Variants in CHD7 observed in about 807,000 individuals in gnomAD.
CHD7 encodes ATP-dependent chromatin remodeler CHD7.
In CHD7, 24 loss-of-function variants were observed where a neutral mutation model predicts 307.3. The observed-to-expected ratio is 0.08, with a 90% CI of 0.06 to 0.11. The LOEUF (loss-of-function observed/expected upper bound fraction) is 0.11. Ranked by LOEUF, CHD7 falls within the 10% of genes least tolerant of loss-of-function variation. CHD7 has a pLI of 1.00. For synonymous variants in CHD7, 1,363 were observed against 1,349.9 expected (o/e 1.01, Z -0.21); for missense variants, 3,106 against 3,727.1 (o/e 0.83, Z 4.34).
At chr8:60,830,605 T>A (rs902291145) in intron 15 of CHD7, 28 bp downstream of exon 15, 1 of 1,604,902 alleles carries the variant, frequency 6.2e-7, no homozygotes, top group African/African-American at 1.3e-5. Flanking sequence ...GCGAACTTGC[T>A]TAAGTGACGA....
chr8:60,820,489 T>G (rs1052442046), intron 9 of CHD7, among the ~76,000 whole-genome samples: 1 of 152,214 alleles, frequency 6.6e-6, no homozygotes, highest in Non-Finnish European at 1.5e-5. Context: ...TTAGTGAAGT[T>G]GATGAATTCA....
chr8:60,770,361 A>G (rs1026774900), intron 2 of CHD7, among the ~76,000 whole-genome samples: 2 of 151,716 alleles, frequency 1.3e-5, no homozygotes, highest in Non-Finnish European at 2.9e-5. Context: ...ATTCAATTAT[A>G]ATAATTTTCT....
chr8:60,775,903 G>A (rs1810928204), intron 2 of CHD7, among the ~76,000 whole-genome samples: 1 of 151,714 alleles, frequency 6.6e-6, no homozygotes, highest in South Asian at 2.1e-4. Context: ...GATTACAGGT[G>A]CATACCACCA....
chr8:60,838,964 G>A (rs539021602), intron 19 of CHD7, among the ~76,000 whole-genome samples: 6 of 152,262 alleles, frequency 3.9e-5, no homozygotes, highest in Middle Eastern at 3.4e-3. Flanking sequence ...CCTGTCTTTC[G>A]TGTACAATTC....
chr8:60,765,254 C>T (rs1165273975), intron 2 of CHD7, among the ~76,000 whole-genome samples: 1 of 151,402 alleles, frequency 6.6e-6, no homozygotes, highest in Non-Finnish European at 1.5e-5. Flanking sequence ...TGCACACACA[C>T]ATGTATTTAT....
intron 13 of CHD7, chr8:60,824,839 G>T (rs1177684408): frequency 6.6e-6 from 1 of 152,036 alleles, no homozygotes; most frequent in Non-Finnish European, 1.5e-5. Flanking sequence ...ATAACATATC[G>T]TAGGAGTAGA....
chr8:60,699,945 C>T (rs1188360041), intron 1 of CHD7, among the ~76,000 whole-genome samples: 1 of 151,970 alleles, frequency 6.6e-6, no homozygotes, highest in Non-Finnish European at 1.5e-5. Flanking sequence ...ATTCTCCTGC[C>T]TCAGCCTCCC....
At chr8:60,799,635 A>G (rs972988362) in intron 4 of CHD7, among the ~76,000 whole-genome samples, 9 of 152,204 alleles carry the variant, frequency 5.9e-5, no homozygotes, top group Admixed American at 5.9e-4. Flanking sequence ...ATTTGTATAG[A>G]ACTTTGTAAT....
Position 60,742,059 on chromosome 8 carries a change from G to C in CHD7, c.627G>C (p.Arg209Ser). ...AGCAGCATGGTCAGCCACAGCAGAG[G>C]ATGAGCCAGTTTTCCCAAGGCCAAG... ...SMQQHGQPQQ[R>S]MSQFSQGQEG... Residue 209 changes from arginine (R) to serine (S), a missense_variant, in exon 2 of 38, where the codon AGG becomes AGC. Coordinates refer to ENST00000423902, the MANE Select transcript of CHD7 (RefSeq NM_017780.4). The C allele has an allele frequency of 6.2e-7, 1 of 1,613,878 alleles. No individual in the cohort carries two copies. The highest frequency in any genetic ancestry group is 1.7e-5 in the Admixed American group (1 of 60,028).
chr8:60,712,936 A>C (rs1175084050), intron 1 of CHD7, among the ~76,000 whole-genome samples: 1 of 151,374 alleles, frequency 6.6e-6, no homozygotes, highest in Non-Finnish European at 1.5e-5. Context: ...CTGTAATCCC[A>C]GCTACCTGGG....
intron 13 of CHD7, chr8:60,824,339 G>A (rs1439795850): frequency 2.6e-6 from 1 of 381,856 alleles, no homozygotes; most frequent in Non-Finnish European, 4.6e-6. Context: ...AATCCAAAAC[G>A]TTTTGAGTAC....
At chr8:60,857,434 T>C (rs1227565931) in intron 34 of CHD7, among the ~76,000 whole-genome samples, 1 of 152,244 alleles carries the variant, frequency 6.6e-6, no homozygotes, top group African/African-American at 2.4e-5. Flanking sequence ...AATAAATTAA[T>C]GCAGTATAAT....
intron 28 of CHD7, 104 bp from the exon 29 acceptor site, chr8:60,851,915 C>T: frequency 1.4e-6 from 1 of 729,302 alleles, no homozygotes. Context: ...ATGCCCTTTC[C>T]CACACTGTCA....
At chr8:60,827,927 T>C (rs1177419380) in intron 13 of CHD7, among the ~76,000 whole-genome samples, 4 of 152,162 alleles carry the variant, frequency 2.6e-5, no homozygotes, top group Non-Finnish European at 4.4e-5. Context: ...AATAGGGTTC[T>C]TAAGATTAAT....
chr8:60,735,276 C>T (rs890937198), intron 1 of CHD7, among the ~76,000 whole-genome samples: 16 of 152,130 alleles, frequency 1.1e-4, no homozygotes, highest in African/African-American at 3.9e-4. Context: ...ACTGTCATAG[C>T]GAATGCTAAC....
chr8:60,778,667 T>C (rs917128147), intron 2 of CHD7, among the ~76,000 whole-genome samples: 7 of 152,232 alleles, frequency 4.6e-5, no homozygotes, highest in African/African-American at 1.7e-4. Context: ...CCTCTTTTCC[T>C]CTCTTTCCAG....
chr8:60,728,270 G>GA (rs1808269350), intron 1 of CHD7, among the ~76,000 whole-genome samples: 1 of 152,224 alleles, frequency 6.6e-6, no homozygotes, highest in African/African-American at 2.4e-5. Flanking sequence ...TCATCAGTGT[G>GA]CAGTTCTTTT....
intron 1 of CHD7, among the ~76,000 whole-genome samples, chr8:60,729,036 T>C (rs988392689): frequency 1.3e-5 from 2 of 152,250 alleles, no homozygotes; most frequent in East Asian, 3.8e-4. Flanking sequence ...ACAAGTGTTA[T>C]ACATGATTCT....
intron 1 of CHD7, among the ~76,000 whole-genome samples, chr8:60,696,725 ACT>A (rs1452735117): frequency 6.6e-6 from 1 of 151,888 alleles, no homozygotes; most frequent in East Asian, 1.9e-4. Context: ...GGAAGGAAGG[ACT>A]CTGACAGTTT....
Sources: gnomAD v4.1 joint callset for allele counts (sites outside exome capture counted in the v4.1 genomes callset) on GRCh38, gnomAD v4.1.1 for gene constraint, MANE v1.5 for transcripts, NCBI Gene and HGNC (gene_info 2026-07-23, HGNC 2026-07-21) for gene names.